EYS: variants seen among roughly 807,000 people sequenced by gnomAD.
The protein encoded by EYS is protein eyes shut homolog.
EYS carries 250 observed loss-of-function variants against 282.1 expected under a neutral mutation model. The observed-to-expected ratio is 0.89, with a 90% CI of 0.80 to 0.98. EYS has a LOEUF of 0.98. Ranked by LOEUF, EYS falls within the 50% of genes least tolerant of loss-of-function variation. The probability of loss-of-function intolerance (pLI) is 0.00; values close to 1 mark genes in which losing one functional copy is unlikely to be tolerated. For synonymous variants in EYS, 1,355 were observed against 1,282.9 expected, an observed-to-expected ratio of 1.06 and a Z score of -1.20; for missense variants, 4,016 against 3,709.0, an observed-to-expected ratio of 1.08 and a Z score of -2.15.
chr6:64,229,870 A>G (rs934357589), intron 31 of EYS, among the ~76,000 whole-genome samples: 1 of 152,176 alleles, frequency 6.6e-6, no homozygotes, highest in African/African-American at 2.4e-5. Context: ...TCTGAATCAT[A>G]ATTCAGTAGT....
chr6:64,852,605 G>T (rs569001048), intron 19 of EYS, among the ~76,000 whole-genome samples: 3 of 152,248 alleles, frequency 2.0e-5, no homozygotes, highest in Middle Eastern at 3.4e-3. Context: ...CTGAATGTTT[G>T]TAGATGTAAT....
intron 31 of EYS, among the ~76,000 whole-genome samples, chr6:64,202,567 G>T (rs570758480): frequency 1.3e-5 from 2 of 152,044 alleles, no homozygotes; most frequent in Non-Finnish European, 2.9e-5. Context: ...ATAGATAATC[G>T]AAAACAGTAT....
At chr6:65,174,985 C>G (rs918464197) in intron 12 of EYS, among the ~76,000 whole-genome samples, 2 of 151,210 alleles carry the variant, frequency 1.3e-5, no homozygotes, top group African/African-American at 2.4e-5. Context: ...TAACCTCTCT[C>G]TAAAGTCACT....
At chr6:65,111,791 G>C (rs889608564) in intron 12 of EYS, among the ~76,000 whole-genome samples, 2 of 152,148 alleles carry the variant, frequency 1.3e-5, no homozygotes, top group East Asian at 3.9e-4. Flanking sequence ...AGGTTACAGT[G>C]ATTCAAGATT....
Position 64,481,130 on chromosome 6 carries a change from A to G in EYS, c.5645-41778T>C, listed in dbSNP as rs1483153377. On this transcript the variant is annotated intron_variant, in intron 26 of 42. Coordinates refer to ENST00000503581, the MANE Select transcript of EYS (RefSeq NM_001142800.2). The stretch of plus-strand genomic sequence containing the variant: ...TAATGTGCTGTTTATTTTTGCCATT[A>G]TTATAAAAAGCCACTGAAAACTCAC... Among the ~76,000 whole-genome samples the G allele has an allele frequency of 2.0e-5, 3 of 151,118 alleles. No homozygotes were observed. The South Asian group carries it at 6.2e-4, about 31-fold the overall frequency.
At chr6:64,123,347 A>T (rs937858461) in intron 31 of EYS, among the ~76,000 whole-genome samples, 1 of 152,190 alleles carries the variant, frequency 6.6e-6, no homozygotes, top group East Asian at 1.9e-4. Flanking sequence ...ATTTTCCTGT[A>T]TGAGGTCAAA....
At chr6:64,532,727 T>A (rs962717030) in intron 26 of EYS, among the ~76,000 whole-genome samples, 7 of 152,012 alleles carry the variant, frequency 4.6e-5, no homozygotes, top group African/African-American at 7.2e-5. Context: ...ATAAATAAAT[T>A]AAATTAAATT....
At chr6:64,088,114 A>G (rs1208453268) in intron 31 of EYS, among the ~76,000 whole-genome samples, 2 of 152,092 alleles carry the variant, frequency 1.3e-5, no homozygotes, top group Non-Finnish European at 1.5e-5. Context: ...ATTAATTTTC[A>G]TTATCACCGT....
intron 14 of EYS, among the ~76,000 whole-genome samples, chr6:64,960,533 G>A (rs958653762): frequency 6.6e-6 from 1 of 151,874 alleles, no homozygotes; most frequent in Non-Finnish European, 1.5e-5. Context: ...TCTACTTTTA[G>A]AAGAGCCAAT....
intron 12 of EYS, among the ~76,000 whole-genome samples, chr6:65,093,105 C>A (rs990347385): frequency 6.6e-6 from 1 of 152,034 alleles, no homozygotes; most frequent in African/African-American, 2.4e-5. Context: ...GGTTTCTCAG[C>A]AGAAACCTTT....
intron 26 of EYS, among the ~76,000 whole-genome samples, chr6:64,571,000 C>A (rs896579792): frequency 6.6e-6 from 1 of 152,180 alleles, no homozygotes; most frequent in African/African-American, 2.4e-5. Flanking sequence ...CCACATCACA[C>A]TTATTCTAAA....
chr6:65,635,618 T>C (rs1407757544), intron 2 of EYS, among the ~76,000 whole-genome samples: 1 of 152,144 alleles, frequency 6.6e-6, no homozygotes, highest in African/African-American at 2.4e-5. Flanking sequence ...CCATTCAATA[T>C]AAAATTTAGT....
intron 33 of EYS, among the ~76,000 whole-genome samples, chr6:64,021,085 T>C (rs1769166322): frequency 1.3e-5 from 2 of 152,158 alleles, no homozygotes. Context: ...ATTTTCTTAA[T>C]TGAGAAATGG....
intron 14 of EYS, among the ~76,000 whole-genome samples, chr6:64,968,167 C>G (rs546472593): frequency 6.6e-6 from 1 of 152,182 alleles, no homozygotes; most frequent in African/African-American, 2.4e-5. Flanking sequence ...AGGAAATTAA[C>G]TTCGATTTTT....
At chr6:65,095,416 TAA>T (rs1378515944) in intron 12 of EYS, among the ~76,000 whole-genome samples, 1 of 150,562 alleles carries the variant, frequency 6.6e-6, no homozygotes, top group Non-Finnish European at 1.5e-5. Flanking sequence ...TGAAAGTTGC[TAA>T]GAGAGTTTAA....
At position 64,590,553 on chromosome 6, in the gene EYS, T is replaced by G. The variant is rs1200619739; in HGVS notation, c.5314A>C (p.Asn1772His). 1 of 1,551,284 alleles carries G rather than the reference T, an allele frequency of 6.4e-7. No individual in the cohort carries two copies. Among genetic ancestry groups the G allele is most frequent in the East Asian group, 2.4e-5 (1 of 40,916 alleles). The change falls in exon 26 of 43, where the codon AAT becomes CAT. Residue 1772 changes from asparagine to histidine, a missense_variant. Physicochemically the swap from Asn to His is moderately conservative, Grantham distance 68. Transcript: ENST00000503581. ...GAGCCTGTCAATGGTGGCAGATTAT[T>G]TTTGAAGTCATTTGCATGTGTAATT... is the stretch of plus-strand genomic sequence containing the variant. ...SEITHANDFK[N>H]NLPPLTGSVP...
intron 11 of EYS, among the ~76,000 whole-genome samples, chr6:65,300,323 C>G (rs1427100071): frequency 6.6e-6 from 1 of 152,180 alleles, no homozygotes; most frequent in Non-Finnish European, 1.5e-5. Flanking sequence ...AATTCCTCAT[C>G]TTTTCCTTAC....
intron 22 of EYS, among the ~76,000 whole-genome samples, 168 bp from the exon 23 acceptor site, chr6:64,626,413 T>C (rs934892959): frequency 6.6e-6 from 1 of 152,168 alleles, no homozygotes; most frequent in African/African-American, 2.4e-5. Context: ...CAAAACAGTA[T>C]GTCTAATACT....
chr6:63,790,186 T>C (rs1301808267), intron 37 of EYS, among the ~76,000 whole-genome samples: 2 of 152,212 alleles, frequency 1.3e-5, no homozygotes, highest in Non-Finnish European at 2.9e-5. Flanking sequence ...AAAAAATTTA[T>C]TATGAGTATG....
Sources: allele counts gnomAD v4.1 joint callset (sites outside exome capture counted in the v4.1 genomes callset), GRCh38; gene constraint gnomAD v4.1.1; transcripts MANE v1.5; gene names NCBI Gene and HGNC (gene_info 2026-07-23, HGNC 2026-07-21).